The following ARHGEF10 variants were observed in gnomAD, a reference collection of about 807,000 sequenced individuals.
The protein encoded by ARHGEF10 is Rho guanine nucleotide exchange factor 10.
In ARHGEF10, 140 loss-of-function variants were observed where a neutral mutation model predicts 147.4. The observed-to-expected ratio is 0.95, with a 90% CI of 0.83 to 1.09. The LOEUF (loss-of-function observed/expected upper bound fraction) is 1.09. Ranked by LOEUF, ARHGEF10 falls within the 50% of genes least tolerant of loss-of-function variation. ARHGEF10 has a pLI of 0.00. For synonymous variants in ARHGEF10, 902 were observed against 695.8 expected, an observed-to-expected ratio of 1.30 and a Z score of -4.67; for missense variants, 2,222 against 1,752.7, an observed-to-expected ratio of 1.27 and a Z score of -4.78.
chr8:1,949,745 G>A (rs771291707), intron 27 of ARHGEF10, among the ~76,000 whole-genome samples: 6 of 151,938 alleles, frequency 3.9e-5, no homozygotes, highest in Admixed American at 6.6e-5. Context: ...AAATGAAACC[G>A]GACTCAAGAT....
At chr8:1,889,986 GA>G (rs1809320487) in intron 11 of ARHGEF10, among the ~76,000 whole-genome samples, 5 of 147,114 alleles carry the variant, frequency 3.4e-5, no homozygotes, top group African/African-American at 1.3e-4. Flanking sequence ...GACACTGAGT[GA>G]TGTGAGCAAT....
At chr8:1,875,147 A>AAG in intron 7 of ARHGEF10, among the ~76,000 whole-genome samples, 1 of 43,528 alleles carries the variant, frequency 2.3e-5, no homozygotes, top group Non-Finnish European at 4.8e-5. Context: ...TGTAGGGGGT[A>AAG]CAGGTTCTAA....
intron 7 of ARHGEF10, chr8:1,870,512 A>G (rs1183419022): frequency 6.6e-6 from 1 of 152,218 alleles, no homozygotes; most frequent in Non-Finnish European, 1.5e-5. Context: ...CTAGCCATAA[A>G]TTCTTGTGAG....
At chr8:1,839,687 G>A (rs1803845531) in intron 1 of ARHGEF10, among the ~76,000 whole-genome samples, 1 of 139,982 alleles carries the variant, frequency 7.1e-6, no homozygotes, top group African/African-American at 2.8e-5. Context: ...ACTGGTGTGG[G>A]GACTGTCCGG....
intron 18 of ARHGEF10, among the ~76,000 whole-genome samples, chr8:1,919,114 G>C (rs1199632784): frequency 5.4e-5 from 8 of 148,562 alleles, no homozygotes; most frequent in Non-Finnish European, 1.2e-4. Context: ...TGATGGAGCT[G>C]TTCTATGGGT....
chr8:1,887,296 A>G lies in ARHGEF10; in HGVS notation c.1182+1589A>G, dbSNP rs118107696. ...AGGAATCATAACAGGAGTGTGAGTG[A>G]CTCAGGACCAGAAGAGTCAGGAGAC... On this transcript the variant is annotated intron_variant, in intron 11 of 28. Coordinates refer to ENST00000349830, the MANE Select transcript of ARHGEF10 (RefSeq NM_014629.4). Among the ~76,000 whole-genome samples the G allele has an allele frequency of 2.7e-3, 418 of 152,360 alleles. 8 individuals are homozygous for G. The East Asian group carries it at 0.065, about 24-fold the overall frequency.
chr8:1,923,242 T>C, intron 19 of ARHGEF10, 163 bp downstream of exon 19: 2 of 857,094 alleles, frequency 2.3e-6, no homozygotes, highest in South Asian at 3.4e-5. Context: ...TGAGACTATT[T>C]AATGGTAACT....
At chr8:1,944,888 T>C (rs1814439821) in intron 26 of ARHGEF10, among the ~76,000 whole-genome samples, 1 of 152,218 alleles carries the variant, frequency 6.6e-6, no homozygotes, top group African/African-American at 2.4e-5. Flanking sequence ...TCCTGCTGGC[T>C]GTGGGGTGAC....
chr8:1,829,117 C>A (rs897577451), intron 1 of ARHGEF10, among the ~76,000 whole-genome samples: 1 of 152,356 alleles, frequency 6.6e-6, no homozygotes, highest in South Asian at 2.1e-4. Context: ...CCAGGCCGAG[C>A]GCTCCCCGCC....
chr8:1,904,250 A>C (rs1490717009), intron 16 of ARHGEF10: 1 of 152,274 alleles, frequency 6.6e-6, no homozygotes, highest in Non-Finnish European at 1.5e-5. Context: ...TGTCTGCAGC[A>C]GTACTCTGAA....
intron 4 of ARHGEF10, 58 bp from the exon 5 acceptor site, chr8:1,864,315 A>G (rs1051547960): frequency 2.6e-6 from 4 of 1,553,468 alleles, no homozygotes; most frequent in Non-Finnish European, 2.7e-6. Context: ...AAAAACATCA[A>G]CTTCATGAGC....
chr8:1,890,891 C>A (rs1051376543), intron 11 of ARHGEF10, among the ~76,000 whole-genome samples: 1 of 152,144 alleles, frequency 6.6e-6, no homozygotes, highest in African/African-American at 2.4e-5. Flanking sequence ...AGTGACTGTT[C>A]ATTGTTTTAT....
rs1812701825 is a variant in ARHGEF10 at position 1,926,473 on chromosome 8, G to A, written c.2697+10G>A. 6.2e-7 allele frequency: 1 copy of A among 1,611,586 alleles called. No individual in the cohort carries two copies. Among genetic ancestry groups the A allele is most frequent in the Admixed American group, 1.7e-5 (1 of 59,988 alleles). On this transcript the variant is annotated intron_variant, in intron 23 of 28. Transcript: ENST00000349830. ...ACATGGTTTCCTGTGGGTAAGATGT[G>A]TTTATTTGGTTTTGGTACAAGTTCA...
chr8:1,930,710 C>G (rs1813060477), intron 25 of ARHGEF10, among the ~76,000 whole-genome samples: 1 of 152,366 alleles, frequency 6.6e-6, no homozygotes, highest in South Asian at 2.1e-4. Context: ...ACTTTGACAC[C>G]TCCTCCTTGG....
chr8:1,927,000 C>T (rs1299560062), intron 23 of ARHGEF10: 2 of 212,656 alleles, frequency 9.4e-6, no homozygotes, highest in Non-Finnish European at 1.9e-5. Context: ...ACTCGCCCTC[C>T]AGGGCTCCAC....
At chr8:1,947,005 T>C (rs777519075) in intron 27 of ARHGEF10, among the ~76,000 whole-genome samples, 5 of 152,234 alleles carry the variant, frequency 3.3e-5, no homozygotes, top group Non-Finnish European at 5.9e-5. Flanking sequence ...AAGTTTATAT[T>C]TAGAGAACCA....
intron 25 of ARHGEF10, among the ~76,000 whole-genome samples, chr8:1,930,271 C>A (rs1813018557): frequency 2.0e-5 from 3 of 152,090 alleles, no homozygotes; most frequent in African/African-American, 7.2e-5. Context: ...GGGAGCGACG[C>A]CTTGGCGGGT....
chr8:1,884,644 G>A (rs1446424522), intron 10 of ARHGEF10, among the ~76,000 whole-genome samples: 1 of 152,126 alleles, frequency 6.6e-6, no homozygotes, highest in Non-Finnish European at 1.5e-5. Context: ...CCAGGGTTTG[G>A]GATCTTTGAA....
At chr8:1,905,782 T>C in intron 17 of ARHGEF10, 66 bp downstream of exon 17, 1 of 1,588,352 alleles carries the variant, frequency 6.3e-7, no homozygotes, top group East Asian at 2.2e-5. Flanking sequence ...TAAGGGCACA[T>C]GCATGACTTT....
Sources: allele counts gnomAD v4.1 joint callset (sites outside exome capture counted in the v4.1 genomes callset), GRCh38; gene constraint gnomAD v4.1.1; transcripts MANE v1.5; gene names NCBI Gene and HGNC (gene_info 2026-07-23, HGNC 2026-07-21).